The following TSEN15 variants were observed in gnomAD, a reference collection of about 807,000 sequenced individuals.
The protein encoded by TSEN15 is tRNA-splicing endonuclease subunit Sen15.
Under a neutral mutation model 20.5 loss-of-function variants are expected in TSEN15, and 10 were observed. That is an observed-to-expected ratio of 0.49 (90% CI 0.30 to 0.83). The LOEUF (loss-of-function observed/expected upper bound fraction) is 0.83, where lower values mean the gene tolerates loss of function less well. Among genes scored for constraint, TSEN15 ranks in the 40% least tolerant of loss-of-function variants. TSEN15 has a pLI of 0.06. For synonymous variants in TSEN15, 72 were observed against 80.1 expected (o/e 0.90, Z 0.54); for missense variants, 180 against 218.6 (o/e 0.82, Z 1.11).
chr1:184,059,065 A>G (rs1438327514), intron 3 of TSEN15, among the ~76,000 whole-genome samples: 1 of 149,446 alleles, frequency 6.7e-6, no homozygotes, highest in Non-Finnish European at 1.5e-5. Context: ...TGTTGGATGG[A>G]ATTTTAAAAA....
At chr1:184,093,242 C>T (rs766724827) in intron 3 of TSEN15, among the ~76,000 whole-genome samples, 93 of 152,134 alleles carry the variant, frequency 6.1e-4, no homozygotes, top group African/African-American at 2.0e-3. Context: ...TTTAAAGTCA[C>T]GAGGCCCAGG....
chr1:184,078,771 A>G (rs2102900046), downstream of TSEN15, among the ~76,000 whole-genome samples: 1 of 152,294 alleles, frequency 6.6e-6, no homozygotes, highest in Admixed American at 6.5e-5. Flanking sequence ...CGTAGTCAGC[A>G]TTTTTATTTT....
chr1:184,084,985 T>C (rs1369758375), intron 3 of TSEN15, among the ~76,000 whole-genome samples: 1 of 151,742 alleles, frequency 6.6e-6, no homozygotes, highest in Non-Finnish European at 1.5e-5. Flanking sequence ...ATGGTGATGA[T>C]AACACTTTTT....
At chr1:184,077,695 C>A (rs1651090277), downstream of TSEN15, among the ~76,000 whole-genome samples, 1 of 151,944 alleles carries the variant, frequency 6.6e-6, no homozygotes, top group Admixed American at 6.6e-5. Flanking sequence ...GATGTTGATT[C>A]CAACCCTTGT....
chr1:184,077,324 C>T (rs1227579837), downstream of TSEN15, among the ~76,000 whole-genome samples: 4 of 152,116 alleles, frequency 2.6e-5, no homozygotes, highest in African/African-American at 7.2e-5. Flanking sequence ...GCATGGTTTA[C>T]TGAATATTTT....
At chr1:184,072,362 G>A (rs771497560) in intron 4 of TSEN15, 64 bp downstream of exon 4, 1 of 1,473,758 alleles carries the variant, frequency 6.8e-7, no homozygotes, top group Non-Finnish European at 9.1e-7. Context: ...GTGATTTTAA[G>A]TGTGACTCAA....
chr1:184,053,893 C>A (rs1412440561), intron 1 of TSEN15, among the ~76,000 whole-genome samples: 1 of 152,228 alleles, frequency 6.6e-6, no homozygotes, highest in Non-Finnish European at 1.5e-5. Context: ...AAAGGTTTCT[C>A]TATTGCTGGC....
intron 3 of TSEN15, among the ~76,000 whole-genome samples, chr1:184,082,616 G>A (rs950149616): frequency 2.6e-5 from 4 of 152,034 alleles, no homozygotes; most frequent in Admixed American, 6.6e-5. Context: ...GGGTCAGAGC[G>A]GAGGGCACGG....
chr1:184,066,287 T>C (rs1650654496), intron 3 of TSEN15, among the ~76,000 whole-genome samples: 1 of 78,162 alleles, frequency 1.3e-5, no homozygotes, highest in African/African-American at 3.4e-5. Flanking sequence ...ATCAATTGAC[T>C]ATTTATGTGA....
At chr1:184,087,547 T>C (rs1651284845) in intron 3 of TSEN15, among the ~76,000 whole-genome samples, 1 of 152,222 alleles carries the variant, frequency 6.6e-6, no homozygotes, top group African/African-American at 2.4e-5. Flanking sequence ...GAAGTCACTC[T>C]CACTGTTCTA....
intron 3 of TSEN15, among the ~76,000 whole-genome samples, chr1:184,067,924 C>CAAAAAAAA (rs71130650): frequency 3.6e-5 from 2 of 54,884 alleles, no homozygotes; most frequent in African/African-American, 1.9e-4. Flanking sequence ...CTCTCTCTCT[C>CAAAAAAAA]AAAAAAAAAA....
In TSEN15 at chr1:184,073,791, T is replaced by A. The variant is rs1248780844; in HGVS notation, c.*944T>A. 1.3e-5 allele frequency: 2 copies of A among 152,254 alleles called. No individual in the cohort carries two copies. Among genetic ancestry groups the A allele is most frequent in the Non-Finnish European group, 2.9e-5 (2 of 68,022 alleles). The allele number at this position is 152,254 out of a possible 1,614,324, so 9.4% of individuals were successfully genotyped here. A position where few individuals can be genotyped will look rare whatever the true frequency, so the allele number is the denominator to read the frequency against. On this transcript the variant is annotated 3_prime_UTR_variant, in exon 5 of 5. Coordinates refer to ENST00000645668, the MANE Select transcript of TSEN15 (RefSeq NM_052965.4). ...TTAAACCTACTGTCTCTGTCATAACTTGTCAACACTGCTGTATGAAGCACA... is the reference window on the plus strand; with the variant it reads ...TTAAACCTACTGTCTCTGTCATAACATGTCAACACTGCTGTATGAAGCACA...
At chr1:184,053,878 A>AT (rs1259391244) in intron 1 of TSEN15, among the ~76,000 whole-genome samples, 1 of 152,232 alleles carries the variant, frequency 6.6e-6, no homozygotes, top group Non-Finnish European at 1.5e-5. Flanking sequence ...CACAAGTTTT[A>AT]TTAAAAAGGT....
chr1:184,064,235 T>C (rs906996635), intron 3 of TSEN15, among the ~76,000 whole-genome samples: 1 of 152,092 alleles, frequency 6.6e-6, no homozygotes, highest in Non-Finnish European at 1.5e-5. Flanking sequence ...CAAGAGAGTC[T>C]GGGAAAACTT....
chr1:184,055,453 G>A (rs1207095815), intron 3 of TSEN15, among the ~76,000 whole-genome samples: 4 of 152,092 alleles, frequency 2.6e-5, no homozygotes, highest in African/African-American at 9.7e-5. Context: ...TATTTATTTA[G>A]CACTTACTCT....
rs1025486138 is a variant in TSEN15 at position 184,089,557 on chromosome 1, A to G, written c.354-6133A>G. Reference sequence around the variant, plus strand: ...GGAGATGGAGGAGAAGAGTGGAGTGACCCTGGTGCAACTGGCCACATTTTG... The same window carrying G: ...GGAGATGGAGGAGAAGAGTGGAGTGGCCCTGGTGCAACTGGCCACATTTTG... On this transcript the variant is annotated intron_variant, in intron 3 of 3. Coordinates refer to the TSEN15 transcript ENST00000643231. Among the ~76,000 whole-genome samples the G allele has an allele frequency of 5.7e-4, 87 of 152,196 alleles. 2 individuals carry two copies. Among genetic ancestry groups the G allele is most frequent in the African/African-American group, 2.0e-3 (81 of 41,512 alleles).
intron 1 of TSEN15, among the ~76,000 whole-genome samples, chr1:184,052,290 T>A (rs1363573724): frequency 3.3e-5 from 5 of 152,194 alleles, no homozygotes; most frequent in Non-Finnish European, 5.9e-5. Flanking sequence ...TGATAAAGAT[T>A]TAAGCACAGT....
chr1:184,066,776 G>A (rs1448856057), intron 3 of TSEN15, among the ~76,000 whole-genome samples: 2 of 152,122 alleles, frequency 1.3e-5, no homozygotes, highest in African/African-American at 2.4e-5. Context: ...TGGATATTCT[G>A]ACTCTTTTGC....
Position 184,073,069 on chromosome 1 carries a change from G to A in TSEN15, c.*222G>A, listed in dbSNP as rs932704607. On this transcript the variant is annotated 3_prime_UTR_variant, in exon 5 of 5. Coordinates refer to ENST00000645668, the MANE Select transcript of TSEN15 (RefSeq NM_052965.4). ...TTTCTTTAAAACTTTGTTATCTAGA[G>A]ACAGTTTAATTACAGTTATATACAG... is the stretch of plus-strand genomic sequence containing the variant. The A allele has an allele frequency of 2.6e-5, 14 of 537,910 alleles. No homozygotes were observed. Among genetic ancestry groups the A allele is most frequent in the African/African-American group, 2.4e-4 (12 of 50,482 alleles). The allele number at this position is 537,910 out of a possible 1,614,324, so 33.3% of individuals were successfully genotyped here.
Sources: allele counts gnomAD v4.1 joint callset (sites outside exome capture counted in the v4.1 genomes callset), GRCh38; gene constraint gnomAD v4.1.1; transcripts MANE v1.5; gene names NCBI Gene and HGNC (gene_info 2026-07-23, HGNC 2026-07-21).